SGSM3: variants seen among roughly 807,000 people sequenced by gnomAD.
SGSM3 encodes small G protein signaling modulator 3.
Under a neutral mutation model 100.5 loss-of-function variants are expected in SGSM3, and 96 were observed. That is an observed-to-expected ratio of 0.96 (90% CI 0.81 to 1.13). SGSM3 has a LOEUF of 1.13. SGSM3 is among the 50% of genes most tolerant of loss of function. The probability of loss-of-function intolerance (pLI) is 0.00; values close to 1 mark genes in which losing one functional copy is unlikely to be tolerated. For synonymous variants in SGSM3, 483 were observed against 422.8 expected (o/e 1.14, Z -1.75); for missense variants, 1,001 against 1,015.8 (o/e 0.99, Z 0.20).
intron 1 of SGSM3, among the ~76,000 whole-genome samples, chr22:40,381,497 C>A (rs2047576598): frequency 6.6e-6 from 1 of 152,096 alleles, no homozygotes; most frequent in Admixed American, 6.5e-5. Context: ...ACTGGAAATA[C>A]AAACTGAAGT....
chr22:40,409,373 G>A lies in SGSM3; in HGVS notation c.2111+1G>A. 1 of 1,598,610 alleles carries A rather than the reference G, an allele frequency of 6.3e-7. No individual in the cohort carries two copies. Among genetic ancestry groups the A allele is most frequent in the Non-Finnish European group, 8.5e-7 (1 of 1,171,866 alleles). ...GGGTCCAGATCAAGTGTGAGCTCCG[G>A]TGAGGACCTTACTGGGCTTGGGGGA... On this transcript the variant is annotated splice_donor_variant, in intron 20 of 21. Transcript: ENST00000248929. LOFTEE classifies it high-confidence loss of function.
chr22:40,392,951 C>T (rs2049549762), intron 1 of SGSM3, among the ~76,000 whole-genome samples: 1 of 152,188 alleles, frequency 6.6e-6, no homozygotes, highest in African/African-American at 2.4e-5. Flanking sequence ...CCCCTTGTGA[C>T]TGGCTTCTTT....
intron 1 of SGSM3, among the ~76,000 whole-genome samples, chr22:40,377,287 T>C (rs2046791574): frequency 6.6e-6 from 1 of 152,206 alleles, no homozygotes; most frequent in South Asian, 2.1e-4. Context: ...TTAGGTTGAA[T>C]GACACAGTAA....
At position 40,407,870 on chromosome 22, in the gene SGSM3, TGGGAGAGGG is replaced by T. The variant is rs753292125; in HGVS notation, c.1579+28_1579+36del. 6.3e-7 allele frequency: 1 copy of T among 1,587,860 alleles called. No individual in the cohort carries two copies. Among genetic ancestry groups the T allele is most frequent in the East Asian group, 2.2e-5 (1 of 44,580 alleles). Reference sequence around the variant, plus strand: ...TGGGGTCCTTGGTCTGCTCTTGAGCTGGGAGAGGGAGGAGGGGGTGGGCACAGAAGACTT... The same window carrying T: ...TGGGGTCCTTGGTCTGCTCTTGAGCTAGGAGGGGGTGGGCACAGAAGACTT... On this transcript the variant is annotated intron_variant, in intron 14 of 21. Transcript: ENST00000248929. This position sits in a 1 kb window ranked among gnomAD's most constrained non-coding sequence, Gnocchi z 4.7.
Position 40,407,519 on chromosome 22 carries a change from A to C in SGSM3, c.1475A>C (p.Glu492Ala). Residue 492 changes from glutamate to alanine, a missense_variant, in exon 13 of 22, where the codon GAG becomes GCG. Glu to Ala is a moderately radical substitution (Grantham distance 107). Coordinates refer to ENST00000248929, the MANE Select transcript of SGSM3 (RefSeq NM_015705.6). The surrounding 1 kb of genome is among the most constrained non-coding windows in gnomAD (Gnocchi z 4.7). ...CGAGCCAAGGCCCTGCTGGACTTTG[A>C]GCGGCACGACGACGACGAGCTGGGC... The part of the protein sequence containing the change: ...RRRAKALLDF[E>A]RHDDDELGFR... 6.2e-7 allele frequency: 1 copy of C among 1,608,824 alleles called. No individual in the cohort carries two copies. Among genetic ancestry groups the C allele is most frequent in the Non-Finnish European group, 8.5e-7 (1 of 1,179,946 alleles).
At position 40,404,312 on chromosome 22, in the gene SGSM3, C is replaced by A; in HGVS notation, c.223C>A (p.Leu75Met). 6.3e-7 allele frequency: 1 copy of A among 1,575,650 alleles called. No individual in the cohort carries two copies. Among genetic ancestry groups the A allele is most frequent in the Non-Finnish European group, 8.6e-7 (1 of 1,159,860 alleles). The change falls in exon 5 of 22, where the codon CTG becomes ATG. Residue 75 changes from leucine to methionine, a missense_variant. Coordinates refer to ENST00000248929, the MANE Select transcript of SGSM3 (RefSeq NM_015705.6). Reference protein sequence around the residue: ...SPLMEDAPQRLRWQAHLEFTH... With the variant: ...SPLMEDAPQRMRWQAHLEFTH... ...TCTGATGGAGGATGCTCCACAGAGG[C>A]TGCGGTGGCAGGCCCACCTGGAGTT...
In SGSM3 at chr22:40,408,399, C is replaced by T. The variant is rs763730660; in HGVS notation, c.1752C>T (p.Gly584=). 1.1e-5 allele frequency: 17 copies of T among 1,613,290 alleles called. No individual in the cohort carries two copies. Among genetic ancestry groups the T allele is most frequent in the East Asian group, 4.5e-5 (2 of 44,866 alleles). ...HGLKKPSLLG[G]ACHPWLFIEE... ...TGAAGAAGCCATCCCTGCTTGGGGG[C>T]GCCTGCCACCCCTGGCTGTTTATCG... Residue 584 remains glycine, a synonymous_variant, in exon 16 of 22, where the codon GGC becomes GGT. Coordinates refer to ENST00000248929, the MANE Select transcript of SGSM3 (RefSeq NM_015705.6).
intron 16 of SGSM3, 58 bp downstream of exon 16, chr22:40,408,487 A>C (rs1051465296): frequency 1.9e-6 from 3 of 1,604,568 alleles, no homozygotes; most frequent in African/African-American, 2.7e-5. Context: ...TGTGCCCCCT[A>C]GTACCCATCT....
In SGSM3 at chr22:40,405,170, C is replaced by T. The variant is rs1262535686; in HGVS notation, c.504C>T (p.Pro168=). 1.3e-6 allele frequency: 2 copies of T among 1,574,848 alleles called. No individual in the cohort carries two copies. The highest frequency in any genetic ancestry group is 1.4e-5 in the African/African-American group (1 of 73,466). Reference sequence around the variant, plus strand: ...AGAAGGACCTGCTCCGCACCATGCCCAGCAACGCCTGCTTCGCCAGCATGG... The same window carrying T: ...AGAAGGACCTGCTCCGCACCATGCCTAGCAACGCCTGCTTCGCCAGCATGG... ...QIEKDLLRTM[P]SNACFASMGS... Residue 168 remains proline, a synonymous_variant, in exon 7 of 22, where the codon CCC becomes CCT. Transcript: ENST00000248929.
At position 40,408,135 on chromosome 22, in the gene SGSM3, C is replaced by A. The variant is rs199699333; in HGVS notation, c.1629+15C>A. 3.2e-6 allele frequency: 4 copies of A among 1,241,522 alleles called. No homozygotes were observed. Among genetic ancestry groups the A allele is most frequent in the African/African-American group, 1.5e-5 (1 of 66,356 alleles). The allele number at this position is 1,241,522 out of a possible 1,614,324, so 76.9% of individuals were successfully genotyped here. A position where few individuals can be genotyped will look rare whatever the true frequency, so the allele number is the denominator to read the frequency against. The stretch of plus-strand genomic sequence containing the variant: ...GCAGCAAAGAGGTGAGGGGGGTGGG[C>A]GGGCTAGGCACGGCTGGCACCCTTC... On this transcript the variant is annotated intron_variant, in intron 15 of 21. Coordinates refer to ENST00000248929, the MANE Select transcript of SGSM3 (RefSeq NM_015705.6).
chr22:40,375,529 G>A (rs1463577793), intron 1 of SGSM3, among the ~76,000 whole-genome samples: 2 of 151,304 alleles, frequency 1.3e-5, no homozygotes, highest in African/African-American at 2.4e-5. Context: ...GCAGTGAGCC[G>A]AGATCATGTC....
chr22:40,402,118 T>A, intron 3 of SGSM3, 21 bp from the exon 4 acceptor site: 1 of 1,607,802 alleles, frequency 6.2e-7, no homozygotes, highest in Non-Finnish European at 8.5e-7. Context: ...GCAACTGACT[T>A]CAACCTCATC....
chr22:40,403,286 G>A (rs540315189), intron 4 of SGSM3, among the ~76,000 whole-genome samples: 32 of 152,324 alleles, frequency 2.1e-4, no homozygotes, highest in African/African-American at 7.0e-4. Flanking sequence ...GAATAAGGAC[G>A]AGGCTGTCTG....
In SGSM3 at chr22:40,409,988, A is replaced by G; in HGVS notation, c.*229A>G. The G allele has an allele frequency of 7.5e-7, 1 of 1,339,024 alleles. No individual in the cohort carries two copies. The highest frequency in any genetic ancestry group is 2.1e-5 in the South Asian group (1 of 47,672). 82.9% of individuals were successfully genotyped at this position (1,339,024 alleles called of 1,614,324 possible). On this transcript the variant is annotated 3_prime_UTR_variant, in exon 22 of 22. Transcript: ENST00000248929. Reference sequence around the variant, plus strand: ...CTAGGCCAAACCACAGTTTGTACCAAAAACCTTGTGAGGAGGTGGGGGAGC... The same window carrying G: ...CTAGGCCAAACCACAGTTTGTACCAGAAACCTTGTGAGGAGGTGGGGGAGC...
rs746644745 is a variant in SGSM3 at position 40,405,204 on chromosome 22, G to C, written c.538G>C (p.Gly180Arg). ...CTGCTTCGCCAGCATGGGTAGCATC[G>C]GGGTGCCCCGCCTGCGCAGGGTGCT... is the stretch of plus-strand genomic sequence containing the variant. ...NACFASMGSI[G>R]VPRLRRVLRA... is the part of the protein sequence containing the mutation. The change falls in exon 7 of 22, where the codon GGG (glycine) becomes CGG (arginine). Residue 180 changes from glycine to arginine, a missense_variant. Physicochemically the swap from Gly to Arg is moderately radical, Grantham distance 125. Transcript: ENST00000248929. The C allele has an allele frequency of 1.9e-6, 3 of 1,585,298 alleles. No homozygotes were observed. Among genetic ancestry groups the C allele is most frequent in the African/African-American group, 1.4e-5 (1 of 73,670 alleles).
chr22:40,406,509 G>A lies in SGSM3; in HGVS notation c.1032G>A (p.Met344Ile). 6.2e-7 allele frequency: 1 copy of A among 1,612,472 alleles called. No individual in the cohort carries two copies. Among genetic ancestry groups the A allele is most frequent in the Non-Finnish European group, 8.5e-7 (1 of 1,179,560 alleles). ...CGCTATCGGATATCCCGTCGCAGAT[G>A]GAGGACGCGGAGCTGCTTCTGGGGG... ...FNTLSDIPSQ[M>I]EDAELLLGVA... The change falls in exon 10 of 22, where the codon ATG becomes ATA. Residue 344 changes from methionine (M) to isoleucine (I), a missense_variant. Met to Ile is a conservative substitution (Grantham distance 10, BLOSUM62 1). Coordinates refer to ENST00000248929, the MANE Select transcript of SGSM3 (RefSeq NM_015705.6).
rs754908487 is a variant in SGSM3 at position 40,404,505 on chromosome 22, T to C, written c.366+50T>C. The C allele has an allele frequency of 8.7e-6, 14 of 1,610,238 alleles. No individual in the cohort carries two copies. The East Asian group carries it at 3.1e-4, about 36-fold the overall frequency. ...GGGTGTTGAGAGGGTCCTGGCCCCA[T>C]GATCAGGTGTCACGAGAAAGACTGA... On this transcript the variant is annotated intron_variant, in intron 5 of 21. Transcript: ENST00000248929.
At chr22:40,409,403 G>C in intron 20 of SGSM3, 31 bp downstream of exon 20, 1 of 1,578,534 alleles carries the variant, frequency 6.3e-7, no homozygotes, top group South Asian at 1.1e-5. Context: ...GGGGGATGGA[G>C]GTGGGGTGGG....
At chr22:40,379,789 A>G (rs2047258303) in intron 1 of SGSM3, among the ~76,000 whole-genome samples, 1 of 151,888 alleles carries the variant, frequency 6.6e-6, no homozygotes. Context: ...ACTCACTGCA[A>G]CCTCCACCTC....
Sources: allele counts gnomAD v4.1 joint callset (sites outside exome capture counted in the v4.1 genomes callset), GRCh38; gene constraint gnomAD v4.1.1; non-coding constraint Gnocchi (gnomAD v3.1); transcripts MANE v1.5; gene names NCBI Gene and HGNC (gene_info 2026-07-23, HGNC 2026-07-21).